Variants in FGF12 observed in about 807,000 individuals in gnomAD.
FGF12 encodes fibroblast growth factor 12, also known as fibroblast growth factor 12B.
In FGF12, 14 loss-of-function variants were observed where a neutral mutation model predicts 23.6. The ratio of observed to expected loss-of-function variants is 0.59; its 90% CI spans 0.39 to 0.93. FGF12 has a LOEUF of 0.93. FGF12 is among the 40% of genes least tolerant of loss of function. FGF12 has a pLI of 0.00. For missense variants in FGF12, 175 were observed against 217.8 expected, an observed-to-expected ratio of 0.80 and a Z score of 1.24; for synonymous variants, 62 against 77.3, an observed-to-expected ratio of 0.80 and a Z score of 1.04.
Position 192,354,197 on chromosome 3 carries a change from GT to G in FGF12, c.124+6230del, listed in dbSNP as rs1325455638. On this transcript the variant is annotated intron_variant, in intron 3 of 5. Coordinates refer to ENST00000445105, the MANE Select transcript of FGF12 (RefSeq NM_004113.6). ...GCTAAACTCACAGTGAATTTAGTAC[GT>G]TCATAAAATCTAATGAAAGTGTATT... 2.0e-5 allele frequency among the ~76,000 whole-genome samples: 3 copies of G among 152,082 alleles called. No individual in the cohort carries two copies. The East Asian group carries it at 5.8e-4, about 29-fold the overall frequency.
At position 192,348,289 on chromosome 3, in the gene FGF12, C is replaced by A. The variant is rs1202469012; in HGVS notation, c.124+12139G>T. The stretch of plus-strand genomic sequence containing the variant: ...TGTACTAAGTGCAACCTCGCTAGAT[C>A]TTGGCTGGATGCCTGTTCAGTACCA... On this transcript the variant is annotated intron_variant, in intron 3 of 5. Coordinates refer to ENST00000445105, the MANE Select transcript of FGF12 (RefSeq NM_004113.6). Among the ~76,000 whole-genome samples the A allele has an allele frequency of 2.0e-5, 3 of 152,238 alleles. No homozygotes were observed. In the East Asian group the frequency reaches 5.8e-4, roughly 29 times the overall value.
At chr3:192,424,805 ATTTC>A (rs998175685) in intron 2 of FGF12, among the ~76,000 whole-genome samples, 18 of 152,096 alleles carry the variant, frequency 1.2e-4, no homozygotes, top group African/African-American at 4.3e-4. Context: ...CATCTTACCA[ATTTC>A]TTTGTTTACC....
At chr3:192,272,576 T>C (rs1326540049) in intron 4 of FGF12, among the ~76,000 whole-genome samples, 1 of 152,130 alleles carries the variant, frequency 6.6e-6, no homozygotes, top group African/African-American at 2.4e-5. Flanking sequence ...CTATATGATA[T>C]GCTTGGTACT....
At position 192,177,968 on chromosome 3, in the gene FGF12, T is replaced by C. The variant is rs80238421; in HGVS notation, c.229-7312A>G. Among the ~76,000 whole-genome samples, 504 of 152,338 alleles carry C rather than the reference T, an allele frequency of 3.3e-3. 8 individuals carry two copies. Among genetic ancestry groups the C allele is most frequent in the East Asian group, 0.031 (162 of 5,182 alleles). ...TTTGTTTAAGCTTCTTGAAAGTAGC[T>C]ACCATGATTGCTATATTCTCTTCGT... On this transcript the variant is annotated intron_variant, in intron 4 of 5. Transcript: ENST00000445105.
chr3:192,706,364 A>G (rs1718470933), intron 2 of FGF12, among the ~76,000 whole-genome samples: 1 of 152,058 alleles, frequency 6.6e-6, no homozygotes, highest in African/African-American at 2.4e-5. Context: ...CCCACCTCAT[A>G]TTACCAATGA....
chr3:192,275,286 C>G (rs1713709717), intron 4 of FGF12, among the ~76,000 whole-genome samples: 1 of 151,866 alleles, frequency 6.6e-6, no homozygotes, highest in Admixed American at 6.6e-5. Flanking sequence ...CATCCCCAAA[C>G]AGTCCAGTTT....
chr3:192,205,297 C>T (rs1225720498), intron 4 of FGF12, among the ~76,000 whole-genome samples: 1 of 152,182 alleles, frequency 6.6e-6, no homozygotes, highest in Non-Finnish European at 1.5e-5. Context: ...GACATCTACC[C>T]TTTATAGCAC....
intron 2 of FGF12, among the ~76,000 whole-genome samples, chr3:192,467,530 G>C (rs1049500139): frequency 2.7e-5 from 4 of 147,306 alleles, no homozygotes. Flanking sequence ...AGGAAAACGT[G>C]GAAGGTTATA....
intron 4 of FGF12, among the ~76,000 whole-genome samples, chr3:192,176,275 G>T (rs1715857626): frequency 6.6e-6 from 1 of 152,160 alleles, no homozygotes; most frequent in Non-Finnish European, 1.5e-5. Context: ...GCTCTTTCAA[G>T]ACTCTTCAGG....
At chr3:192,281,958 T>C (rs1241905239) in intron 4 of FGF12, among the ~76,000 whole-genome samples, 2 of 152,176 alleles carry the variant, frequency 1.3e-5, no homozygotes, top group Non-Finnish European at 1.5e-5. Flanking sequence ...AATAACAGTG[T>C]AAATTAGAAA....
chr3:192,403,838 G>A (rs767133528), intron 2 of FGF12, among the ~76,000 whole-genome samples: 7 of 151,880 alleles, frequency 4.6e-5, no homozygotes, highest in Non-Finnish European at 7.4e-5. Flanking sequence ...CTTCCTCTAT[G>A]CAAAAGGATA....
intron 4 of FGF12, among the ~76,000 whole-genome samples, chr3:192,260,182 C>G (rs1478219823): frequency 6.6e-6 from 1 of 152,094 alleles, no homozygotes; most frequent in Non-Finnish European, 1.5e-5. Context: ...TTGCCAAGTA[C>G]AAAACCTTCT....
chr3:192,285,335 C>T (rs905259838), intron 4 of FGF12, among the ~76,000 whole-genome samples: 1 of 151,992 alleles, frequency 6.6e-6, no homozygotes. Flanking sequence ...ATTCAAGCCT[C>T]CTGAGTCTAA....
At chr3:192,449,282 T>C (rs953313273) in intron 2 of FGF12, among the ~76,000 whole-genome samples, 3 of 152,144 alleles carry the variant, frequency 2.0e-5, no homozygotes, top group Admixed American at 6.5e-5. Flanking sequence ...TACTTCTATA[T>C]TGATTTTCTT....
intron 2 of FGF12, among the ~76,000 whole-genome samples, chr3:192,423,309 A>G (rs1385503441): frequency 6.6e-6 from 1 of 152,176 alleles, no homozygotes; most frequent in African/African-American, 2.4e-5. Flanking sequence ...GGCATAAAAT[A>G]CCAACCTCTG....
intron 2 of FGF12, among the ~76,000 whole-genome samples, chr3:192,391,523 G>A (rs986346918): frequency 6.6e-6 from 1 of 152,096 alleles, no homozygotes; most frequent in African/African-American, 2.4e-5. Flanking sequence ...TCTCGTAAAG[G>A]CCTCACAGAA....
chr3:192,400,663 C>G (rs146312117), intron 2 of FGF12, among the ~76,000 whole-genome samples: 36 of 152,036 alleles, frequency 2.4e-4, no homozygotes, highest in Non-Finnish European at 4.0e-4. Context: ...CACCGCACCC[C>G]GTCCCCACCT....
At chr3:192,164,551 A>G (rs1490524307) in intron 5 of FGF12, among the ~76,000 whole-genome samples, 1 of 152,178 alleles carries the variant, frequency 6.6e-6, no homozygotes, top group Non-Finnish European at 1.5e-5. Flanking sequence ...GTGACATTCA[A>G]AAGACAACAC....
At chr3:192,363,781 A>G (rs73193564) in intron 2 of FGF12, among the ~76,000 whole-genome samples, 2,513 of 152,262 alleles carry the variant, frequency 0.017, 40 homozygotes, top group East Asian at 0.09. Flanking sequence ...CTCTATTTTA[A>G]AGAAAGGAGG....
Sources: allele counts gnomAD v4.1 joint callset (sites outside exome capture counted in the v4.1 genomes callset), GRCh38; gene constraint gnomAD v4.1.1; transcripts MANE v1.5; gene names NCBI Gene and HGNC (gene_info 2026-07-23, HGNC 2026-07-21).